PDLIM7: variants seen among roughly 807,000 people sequenced by gnomAD.
PDLIM7 encodes PDZ and LIM domain 7, also known as PDZ and LIM domain protein 7.
Under a neutral mutation model 53.9 loss-of-function variants are expected in PDLIM7, and 37 were observed. The observed-to-expected ratio is 0.69, with a 90% CI of 0.53 to 0.90. The LOEUF (loss-of-function observed/expected upper bound fraction) is 0.90. Ranked by LOEUF, PDLIM7 falls within the 40% of genes least tolerant of loss-of-function variation. The probability of loss-of-function intolerance (pLI) is 0.00; values close to 1 mark genes in which losing one functional copy is unlikely to be tolerated. For synonymous variants in PDLIM7, 300 were observed against 261.3 expected (o/e 1.15, Z -1.43); for missense variants, 617 against 638.5 (o/e 0.97, Z 0.36).
chr5:177,488,381 T>A, intron 9 of PDLIM7, 133 bp from the exon 10 acceptor site: 1 of 695,052 alleles, frequency 1.4e-6, no homozygotes, highest in Non-Finnish European at 2.3e-6. Flanking sequence ...CCACATAGGA[T>A]AGAAGACAGG....
chr5:177,493,926 C>G (rs1758930553), intron 2 of PDLIM7, among the ~76,000 whole-genome samples: 1 of 152,078 alleles, frequency 6.6e-6, no homozygotes, highest in Admixed American at 6.5e-5. Context: ...CAAGAGGTTT[C>G]AGAGAGATGT....
intron 5 of PDLIM7, 161 bp from the exon 6 acceptor site, chr5:177,491,307 G>A (rs1269265031): frequency 9.5e-6 from 14 of 1,470,310 alleles, no homozygotes; most frequent in African/African-American, 1.4e-5. Context: ...AGGACAGGAG[G>A]GCGAAGTGGA....
In PDLIM7 at chr5:177,484,041, C is replaced by T. The variant is rs375455638; in HGVS notation, c.1171+29G>A. The T allele has an allele frequency of 9.0e-5, 145 of 1,613,538 alleles. No individual in the cohort carries two copies. The African/African-American group carries it at 9.3e-4, about 10-fold the overall frequency. On this transcript the variant is annotated intron_variant, in intron 11 of 12. Coordinates refer to ENST00000355841, the MANE Select transcript of PDLIM7 (RefSeq NM_005451.5). ...ATTCATGCCTGCCCCATGCACCATC[C>T]CTCCTCACCCTCACTGGCCAGTGGG... is the stretch of plus-strand genomic sequence containing the variant.
At chr5:177,489,990 C>T in intron 7 of PDLIM7, 158 bp from the exon 8 acceptor site, 1 of 1,535,338 alleles carries the variant, frequency 6.5e-7, no homozygotes, top group Non-Finnish European at 8.7e-7. Flanking sequence ...GGAAGGGCAG[C>T]TTCTCCTAGC....
At chr5:177,491,738 A>C (rs1383038737) in intron 5 of PDLIM7, 69 bp downstream of exon 5, 2 of 767,948 alleles carry the variant, frequency 2.6e-6, no homozygotes, top group African/African-American at 3.7e-5. Flanking sequence ...ACTGAGCAGC[A>C]GCGGGCAGCG....
chr5:177,495,242 C>T (rs967549727), intron 2 of PDLIM7: 1 of 152,516 alleles, frequency 6.6e-6, no homozygotes, highest in African/African-American at 2.4e-5. Flanking sequence ...AGAATGCCAT[C>T]AAAGGACCCC....
intron 6 of PDLIM7, 26 bp downstream of exon 6, chr5:177,490,984 A>G: frequency 6.2e-7 from 1 of 1,613,406 alleles, no homozygotes; most frequent in Non-Finnish European, 8.5e-7. Context: ...CGAGGAAAGT[A>G]CCCCCTGCCC....
At chr5:177,487,955 G>A in intron 10 of PDLIM7, 113 bp downstream of exon 10, 2 of 975,918 alleles carry the variant, frequency 2.0e-6, no homozygotes, top group Non-Finnish European at 3.0e-6. Context: ...TTATTACGCT[G>A]GTAAGGACCC....
rs73349170 is a variant in PDLIM7 at position 177,492,500 on chromosome 5, G to A, written c.248+26C>T. 2.5e-3 allele frequency: 4,009 copies of A among 1,613,648 alleles called. 68 individuals are homozygous for A. In the African/African-American group the frequency reaches 0.038, roughly 15 times the overall value. ...AGGGATCCCCACTGCCAGCGCGGGC[G>A]CACCCATCCATGTCCACCCGCATAC... On this transcript the variant is annotated intron_variant, in intron 3 of 12. Coordinates refer to ENST00000355841, the MANE Select transcript of PDLIM7 (RefSeq NM_005451.5).
At chr5:177,493,324 G>A (rs1189014414) in intron 2 of PDLIM7, among the ~76,000 whole-genome samples, 2 of 152,194 alleles carry the variant, frequency 1.3e-5, no homozygotes, top group African/African-American at 2.4e-5. Context: ...GGCCATACAT[G>A]GCTGTCACTC....
rs1439172673 is a variant in PDLIM7, at chr5:177,489,637, A to C, written c.635-10T>G. On this transcript the variant is annotated splice_polypyrimidine_tract_variant and intron_variant, in intron 8 of 12. Coordinates refer to ENST00000355841, the MANE Select transcript of PDLIM7 (RefSeq NM_005451.5). Reference sequence around the variant, plus strand: ...CTGGGGGCGGTAGGGCCTGCCGGGGAAAGTGACTCTAAAGGGGTGCCCAGG... The same window carrying C: ...CTGGGGGCGGTAGGGCCTGCCGGGGCAAGTGACTCTAAAGGGGTGCCCAGG... The C allele has an allele frequency of 6.3e-7, 1 of 1,575,484 alleles. No individual in the cohort carries two copies.
At chr5:177,486,685 C>A (rs940635583) in intron 10 of PDLIM7, among the ~76,000 whole-genome samples, 3 of 152,116 alleles carry the variant, frequency 2.0e-5, no homozygotes, top group African/African-American at 4.8e-5. Context: ...GTCGCCCAGG[C>A]TGGAGTGCAG....
intron 5 of PDLIM7, 43 bp downstream of exon 5, chr5:177,491,764 T>C (rs986209071): frequency 5.2e-6 from 5 of 953,982 alleles, no homozygotes; most frequent in African/African-American, 5.2e-5. Context: ...GGGGCCACAG[T>C]GGGCCTGATG....
Position 177,483,656 on chromosome 5 carries a change from G to A in PDLIM7, c.1362C>T (p.Phe454=), listed in dbSNP as rs748741660. ...KDRPLCKSHA[F]SHV ...GGGCAGAAGGGGCTCACACATGAGA[G>A]AAGGCATGGCTCTTGCAGAGAGGCC... Residue 454 remains phenylalanine, a synonymous_variant, in exon 13 of 13, where the codon TTC becomes TTT. Coordinates refer to ENST00000355841, the MANE Select transcript of PDLIM7 (RefSeq NM_005451.5). The A allele has an allele frequency of 4.3e-6, 7 of 1,609,678 alleles. No individual in the cohort carries two copies. Among genetic ancestry groups the A allele is most frequent in the Non-Finnish European group, 6.0e-6 (7 of 1,176,308 alleles).
At chr5:177,493,364 C>G (rs1055331463) in intron 2 of PDLIM7, among the ~76,000 whole-genome samples, 1 of 152,246 alleles carries the variant, frequency 6.6e-6, no homozygotes, top group African/African-American at 2.4e-5. Context: ...TTTCCCCTGA[C>G]CCCAATCCTT....
chr5:177,491,915 GGGGCGGAGGCCT>G lies in PDLIM7; in HGVS notation c.280-2_289del. The G allele has an allele frequency of 7.8e-7, 1 of 1,279,124 alleles. No homozygotes were observed. The highest frequency in any genetic ancestry group is 9.9e-7 in the Non-Finnish European group (1 of 1,006,444). The allele number at this position is 1,279,124 out of a possible 1,614,324, so 79.2% of individuals were successfully genotyped here. On this transcript the variant is annotated splice_acceptor_variant and coding_sequence_variant, in exon 5 of 13. Transcript: ENST00000355841. LOFTEE classifies it high-confidence loss of function. Reference sequence around the variant, plus strand: ...GGTGTACCGCGGAGGGTCCGCGGCGGGGGCGGAGGCCTGGGCAGAGACACAGCCGGGCAGGGC... The same window carrying G: ...GGTGTACCGCGGAGGGTCCGCGGCGGGGGCAGAGACACAGCCGGGCAGGGC...
chr5:177,492,870 A>G (rs1464861131), intron 2 of PDLIM7, 193 bp from the exon 3 acceptor site: 8 of 591,978 alleles, frequency 1.4e-5, no homozygotes, highest in Admixed American at 3.0e-5. Context: ...GAGCTTCACA[A>G]TTTCCCAGTC....
intron 7 of PDLIM7, chr5:177,490,563 T>G: frequency 6.4e-7 from 1 of 1,559,434 alleles, no homozygotes; most frequent in African/African-American, 1.4e-5. Context: ...GGGTGTAGCG[T>G]GGGCTCTGCA....
intron 9 of PDLIM7, 49 bp from the exon 10 acceptor site, chr5:177,488,297 G>A (rs1398286412): frequency 1.0e-5 from 15 of 1,505,824 alleles, no homozygotes; most frequent in East Asian, 2.3e-5. Flanking sequence ...GAGAGGTGGG[G>A]GTCTTGGCCC....
Sources: gnomAD v4.1 joint callset for allele counts (sites outside exome capture counted in the v4.1 genomes callset) on GRCh38, gnomAD v4.1.1 for gene constraint, MANE v1.5 for transcripts, NCBI Gene and HGNC (gene_info 2026-07-23, HGNC 2026-07-21) for gene names.